KCNQ3: variants seen among roughly 807,000 people sequenced by gnomAD.
KCNQ3 encodes potassium voltage-gated channel subfamily KQT member 3.
Under a neutral mutation model 92.5 loss-of-function variants are expected in KCNQ3, and 30 were observed. The ratio of observed to expected loss-of-function variants is 0.32; its 90% CI spans 0.24 to 0.44. The LOEUF is 0.44. Among genes scored for constraint, KCNQ3 ranks in the 20% least tolerant of loss-of-function variants. The probability of loss-of-function intolerance (pLI) is 1.00; values close to 1 mark genes in which losing one functional copy is unlikely to be tolerated. For missense variants in KCNQ3, 913 were observed against 1,140.3 expected (o/e 0.80, Z 2.87); for synonymous variants, 450 against 468.8 (o/e 0.96, Z 0.52).
At chr8:132,328,384 C>T (rs1279913595) in intron 1 of KCNQ3, among the ~76,000 whole-genome samples, 1 of 152,122 alleles carries the variant, frequency 6.6e-6, no homozygotes, top group East Asian at 1.9e-4. Context: ...AAATCCTTCA[C>T]CTTCGGCAGG....
intron 1 of KCNQ3, among the ~76,000 whole-genome samples, chr8:132,466,475 G>A (rs368363442): frequency 5.5e-4 from 83 of 152,260 alleles, no homozygotes; most frequent in African/African-American, 1.9e-3. Flanking sequence ...CTGCCCCCAG[G>A]AGCACCGCTT....
chr8:132,251,277 C>T (rs1259203201), intron 1 of KCNQ3, among the ~76,000 whole-genome samples: 1 of 152,092 alleles, frequency 6.6e-6, no homozygotes. Flanking sequence ...AAAAAAAAGG[C>T]ATGCTTTTGT....
intron 1 of KCNQ3, among the ~76,000 whole-genome samples, chr8:132,477,263 G>T (rs1055751385): frequency 6.6e-6 from 1 of 151,932 alleles, no homozygotes. Flanking sequence ...ACAAGGTAAG[G>T]GTTTGATTGA....
intron 1 of KCNQ3, among the ~76,000 whole-genome samples, chr8:132,444,691 C>T (rs1211493329): frequency 6.6e-6 from 1 of 152,244 alleles, no homozygotes. Context: ...TGTGACACAG[C>T]TGACCACAGG....
At chr8:132,210,584 T>C (rs1276936182) in intron 1 of KCNQ3, among the ~76,000 whole-genome samples, 1 of 152,212 alleles carries the variant, frequency 6.6e-6, no homozygotes. Context: ...CCACAGCTTA[T>C]CTAGGTCTCC....
rs546313225 is a variant in KCNQ3, at chr8:132,313,370, T to G, written c.387-127189A>C. Among the ~76,000 whole-genome samples the G allele has an allele frequency of 6.6e-5, 10 of 152,312 alleles. No homozygotes were observed. In the South Asian group the frequency reaches 1.9e-3, roughly 28 times the overall value. On this transcript the variant is annotated intron_variant, in intron 1 of 14. Transcript: ENST00000388996. ...AGACAATTCACAAGGAAAGGAGAAC[T>G]GGGTATGATAAAAGGCAAATATCTA...
At chr8:132,427,984 G>T (rs980641136) in intron 1 of KCNQ3, among the ~76,000 whole-genome samples, 4 of 152,046 alleles carry the variant, frequency 2.6e-5, no homozygotes, top group African/African-American at 9.7e-5. Context: ...TTATGCCTTC[G>T]CCTGCAGATG....
At chr8:132,468,232 CA>C (rs1822225377) in intron 1 of KCNQ3, among the ~76,000 whole-genome samples, 1 of 152,116 alleles carries the variant, frequency 6.6e-6, no homozygotes, top group Admixed American at 6.5e-5. Context: ...TGAGACGAAG[CA>C]GAAGCTGGGA....
intron 1 of KCNQ3, among the ~76,000 whole-genome samples, chr8:132,462,323 G>A (rs1822081055): frequency 6.6e-6 from 1 of 152,020 alleles, no homozygotes; most frequent in Non-Finnish European, 1.5e-5. Context: ...TCGAGTAGCT[G>A]GGATTACAGG....
intron 9 of KCNQ3, among the ~76,000 whole-genome samples, chr8:132,160,500 C>A (rs568299647): frequency 4.6e-5 from 7 of 152,186 alleles, no homozygotes; most frequent in Admixed American, 1.3e-4. Context: ...AGAGTATTAG[C>A]CTTGTGGAGC....
intron 1 of KCNQ3, among the ~76,000 whole-genome samples, chr8:132,362,486 C>T (rs1465039207): frequency 6.6e-6 from 1 of 152,126 alleles, no homozygotes; most frequent in Non-Finnish European, 1.5e-5. Context: ...AAAACCATGC[C>T]CTTGAGATGC....
chr8:132,152,543 C>T (rs1422772840), intron 9 of KCNQ3, among the ~76,000 whole-genome samples: 1 of 152,200 alleles, frequency 6.6e-6, no homozygotes, highest in Non-Finnish European at 1.5e-5. Flanking sequence ...ATTGTAGAAA[C>T]TGGTTGTTTT....
At chr8:132,370,335 C>A (rs1819440194) in intron 1 of KCNQ3, among the ~76,000 whole-genome samples, 1 of 151,788 alleles carries the variant, frequency 6.6e-6, no homozygotes, top group Non-Finnish European at 1.5e-5. Flanking sequence ...AATGAATGAG[C>A]AATTGAAACT....
At chr8:132,331,614 C>T (rs1279298206) in intron 1 of KCNQ3, among the ~76,000 whole-genome samples, 1 of 152,144 alleles carries the variant, frequency 6.6e-6, no homozygotes, top group African/African-American at 2.4e-5. Flanking sequence ...TCCTCCTGCT[C>T]CTTGTTCTCT....
chr8:132,262,892 G>A (rs146214441), intron 1 of KCNQ3, among the ~76,000 whole-genome samples: 4 of 152,248 alleles, frequency 2.6e-5, no homozygotes, highest in South Asian at 2.1e-4. Context: ...GACATTGATC[G>A]GCTAAATCCT....
intron 1 of KCNQ3, among the ~76,000 whole-genome samples, chr8:132,251,533 T>C (rs188991522): frequency 1.1e-4 from 17 of 152,362 alleles, no homozygotes; most frequent in Admixed American, 3.9e-4. Flanking sequence ...CCAAACATGA[T>C]ACTTTGTGTT....
intron 1 of KCNQ3, among the ~76,000 whole-genome samples, chr8:132,250,117 AG>A (rs1275109082): frequency 6.6e-6 from 1 of 152,194 alleles, no homozygotes; most frequent in East Asian, 1.9e-4. Context: ...GTGCAGTGGC[AG>A]GCTGAAGGTC....
chr8:132,190,869 G>A (rs1343271345), intron 1 of KCNQ3, among the ~76,000 whole-genome samples: 1 of 152,204 alleles, frequency 6.6e-6, no homozygotes, highest in Non-Finnish European at 1.5e-5. Context: ...ATAATCCAAG[G>A]GAGGTCTGGG....
At chr8:132,206,847 GCT>G (rs1563804575) in intron 1 of KCNQ3, among the ~76,000 whole-genome samples, 1 of 151,458 alleles carries the variant, frequency 6.6e-6, no homozygotes, top group Non-Finnish European at 1.5e-5. Flanking sequence ...ATTTATTTCT[GCT>G]CTGATTCTTA....
Sources: allele counts gnomAD v4.1 joint callset (sites outside exome capture counted in the v4.1 genomes callset), GRCh38; gene constraint gnomAD v4.1.1; transcripts MANE v1.5; gene names NCBI Gene and HGNC (gene_info 2026-07-23, HGNC 2026-07-21).